The following PLEKHA8 variants were observed in gnomAD, a reference collection of about 807,000 sequenced individuals.
PLEKHA8 encodes the protein pleckstrin homology domain-containing family A member 8.
In PLEKHA8, 36 loss-of-function variants were observed where a neutral mutation model predicts 68.2. That is an observed-to-expected ratio of 0.53 (90% confidence interval 0.40 to 0.70). The LOEUF (loss-of-function observed/expected upper bound fraction) is 0.70, where lower values mean the gene tolerates loss of function less well. Ranked by LOEUF, PLEKHA8 falls within the 30% of genes least tolerant of loss-of-function variation. The pLI is 0.00. For synonymous variants in PLEKHA8, 211 were observed against 216.1 expected, an observed-to-expected ratio of 0.98 and a Z score of 0.20; for missense variants, 505 against 615.4, an observed-to-expected ratio of 0.82 and a Z score of 1.90.
downstream of PLEKHA8, among the ~76,000 whole-genome samples, chr7:30,086,167 AG>A (rs1382656938): frequency 6.6e-6 from 1 of 152,234 alleles, no homozygotes; most frequent in African/African-American, 2.4e-5. Context: ...AGATATGTTG[AG>A]GAATCACCAC....
chr7:30,090,693 A>G (rs79752857), exon 13 of PLEKHA8: 7,736 of 657,302 alleles, frequency 0.012, 69 homozygotes, highest in Admixed American at 0.037. Context: ...CAAAAACACA[A>G]TTTCTTAAAT....
At chr7:30,073,244 G>A (rs191432335) in intron 12 of PLEKHA8, among the ~76,000 whole-genome samples, 10 of 152,092 alleles carry the variant, frequency 6.6e-5, no homozygotes, top group Admixed American at 4.6e-4. Context: ...AAGGTTTCTA[G>A]CTTAAATACT....
chr7:30,052,313 G>A (rs1168828439), intron 6 of PLEKHA8, among the ~76,000 whole-genome samples: 1 of 152,194 alleles, frequency 6.6e-6, no homozygotes, highest in Non-Finnish European at 1.5e-5. Context: ...TTCAGTGGAT[G>A]TTGAAAGGAT....
At chr7:30,094,502 C>A (rs1795531267), downstream of PLEKHA8, among the ~76,000 whole-genome samples, 1 of 148,604 alleles carries the variant, frequency 6.7e-6, no homozygotes, top group South Asian at 2.1e-4. Flanking sequence ...TCTCGAACTC[C>A]TTTTTTTTTT....
At chr7:30,050,593 G>T in intron 6 of PLEKHA8, 119 bp downstream of exon 6, 1 of 1,288,298 alleles carries the variant, frequency 7.8e-7, no homozygotes, top group Non-Finnish European at 1.0e-6. Flanking sequence ...GAAATAATAT[G>T]GAAGTAAACA....
Position 30,046,340 on chromosome 7 carries a change from T to C in PLEKHA8, c.288T>C (p.Thr96=). 1 of 1,611,990 alleles carries C rather than the reference T, an allele frequency of 6.2e-7. No individual in the cohort carries two copies. The highest frequency in any genetic ancestry group is 1.7e-5 in the Admixed American group (1 of 59,716). Residue 96 remains threonine, a synonymous_variant, in exon 3 of 14, where the codon ACT becomes ACC. Transcript: ENST00000449726. ...VALGSAKACL[T]DSRTQKEKEF... ...TGGGATCAGCCAAGGCTTGCCTGAC[T>C]GACAGTAGGACCCAGAAGGAGAAAG...
chr7:30,110,647 T>C (rs1208207283), intron 13 of PLEKHA8, among the ~76,000 whole-genome samples: 1 of 152,238 alleles, frequency 6.6e-6, no homozygotes, highest in Non-Finnish European at 1.5e-5. Context: ...CAGCAATATA[T>C]AAGGGATTCA....
intron 1 of PLEKHA8, among the ~76,000 whole-genome samples, chr7:30,039,424 A>G (rs1353642110): frequency 6.6e-6 from 1 of 152,162 alleles, no homozygotes; most frequent in East Asian, 1.9e-4. Context: ...CTAAGGCAGG[A>G]GAATCGCTTG....
At chr7:30,084,996 G>C (rs1795122790), downstream of PLEKHA8, among the ~76,000 whole-genome samples, 2 of 150,338 alleles carry the variant, frequency 1.3e-5, no homozygotes, top group South Asian at 4.2e-4. Flanking sequence ...CCAGGCTGGA[G>C]TGCAATGGCA....
chr7:30,049,781 T>G (rs898718796), intron 5 of PLEKHA8, among the ~76,000 whole-genome samples: 1 of 152,194 alleles, frequency 6.6e-6, no homozygotes, highest in African/African-American at 2.4e-5. Context: ...CAAAACTTCT[T>G]AACCCCTTCC....
At position 30,084,016 on chromosome 7, in the gene PLEKHA8, A is replaced by G. The variant is rs1795074021; in HGVS notation, c.*5229A>G. The G allele has an allele frequency of 6.1e-6, 6 of 985,408 alleles. No individual in the cohort carries two copies. Among genetic ancestry groups the G allele is most frequent in the Non-Finnish European group, 7.2e-6 (6 of 829,930 alleles). The allele number at this position is 985,408 out of a possible 1,614,324, so 61.0% of individuals were successfully genotyped here. Reference sequence around the variant, plus strand: ...AGTTCCATGGCATGTTTAATGTATAATTCCCATGTATCATGAGAATTTCAC... The same window carrying G: ...AGTTCCATGGCATGTTTAATGTATAGTTCCCATGTATCATGAGAATTTCAC... On this transcript the variant is annotated 3_prime_UTR_variant, in exon 14 of 14. Transcript: ENST00000449726.
At chr7:30,089,992 C>T (rs1238286450) in intron 12 of PLEKHA8, among the ~76,000 whole-genome samples, 3 of 152,030 alleles carry the variant, frequency 2.0e-5, no homozygotes, top group Non-Finnish European at 4.4e-5. Flanking sequence ...CGAGTAATTC[C>T]TGAAAGGATA....
At chr7:30,091,205 T>G (rs1795402210), downstream of PLEKHA8, among the ~76,000 whole-genome samples, 1 of 152,122 alleles carries the variant, frequency 6.6e-6, no homozygotes, top group Admixed American at 6.5e-5. Flanking sequence ...AAGAATTATA[T>G]TCACCTAAAG....
rs527865215 is a variant in PLEKHA8 at position 30,050,140 on chromosome 7, T to G, written c.598-294T>G. Reference sequence around the variant, plus strand: ...CTTATTAATGTTTAATGAGCATAACTGAAATTACAAAGAAATCTAATCACT... The same window carrying G: ...CTTATTAATGTTTAATGAGCATAACGGAAATTACAAAGAAATCTAATCACT... On this transcript the variant is annotated intron_variant, in intron 5 of 13. Coordinates refer to ENST00000449726, the MANE Select transcript of PLEKHA8 (RefSeq NM_001197026.2). 7.2e-5 allele frequency among the ~76,000 whole-genome samples: 11 copies of G among 152,356 alleles called. No individual in the cohort carries two copies. The South Asian group carries it at 2.3e-3, about 32-fold the overall frequency.
intron 4 of PLEKHA8, among the ~76,000 whole-genome samples, chr7:30,048,207 G>T (rs994487724): frequency 6.6e-6 from 1 of 152,092 alleles, no homozygotes; most frequent in South Asian, 2.1e-4. Context: ...CATCATATGC[G>T]TGTGTATAGC....
At position 30,074,132 on chromosome 7, in the gene PLEKHA8, G is replaced by A. The variant is rs757950570; in HGVS notation, c.1362G>A (p.Ala454=). Residue 454 remains alanine, a splice_region_variant and synonymous_variant, in exon 13 of 14, where the codon GCG becomes GCA. Transcript: ENST00000449726. Reference sequence around the variant, plus strand: ...GCTGGGTAGTTCGAGGGGTTTTTGCGGTAAGTGATCCTTCTTGTCTCCTAT... The same window carrying A: ...GCTGGGTAGTTCGAGGGGTTTTTGCAGTAAGTGATCCTTCTTGTCTCCTAT... ...HHGWVVRGVF[A]LALRAAPSYE... The A allele has an allele frequency of 2.5e-6, 4 of 1,612,120 alleles. No homozygotes were observed. The highest frequency in any genetic ancestry group is 2.2e-5 in the East Asian group (1 of 44,862).
Position 30,084,483 on chromosome 7 carries a change from T to C in PLEKHA8, c.*5696T>C. Reference sequence around the variant, plus strand: ...GTTGGAGCCTCTTGGGACCAACCGATGAGCGACAGTTTCATGTTTAGATTT... The same window carrying C: ...GTTGGAGCCTCTTGGGACCAACCGACGAGCGACAGTTTCATGTTTAGATTT... On this transcript the variant is annotated 3_prime_UTR_variant, in exon 14 of 14. Coordinates refer to ENST00000449726, the MANE Select transcript of PLEKHA8 (RefSeq NM_001197026.2). 2.0e-6 allele frequency: 2 copies of C among 985,392 alleles called. No individual in the cohort carries two copies. Among genetic ancestry groups the C allele is most frequent in the South Asian group, 9.4e-5 (2 of 21,292 alleles). 61.0% of individuals were successfully genotyped at this position (985,392 alleles called of 1,614,324 possible).
chr7:30,064,447 G>A (rs928680011), intron 12 of PLEKHA8, among the ~76,000 whole-genome samples: 1 of 152,250 alleles, frequency 6.6e-6, no homozygotes, highest in South Asian at 2.1e-4. Context: ...GGGGGCTGAG[G>A]TGGGAAGATT....
In PLEKHA8 at chr7:30,110,815, A is replaced by T. The variant is rs1416553221; in HGVS notation, c.1363-18451A>T. 2.0e-5 allele frequency among the ~76,000 whole-genome samples: 3 copies of T among 151,874 alleles called. No individual in the cohort carries two copies. In the South Asian group the frequency reaches 6.2e-4, roughly 32 times the overall value. On this transcript the variant is annotated intron_variant, in intron 13 of 13. Coordinates refer to the PLEKHA8 transcript ENST00000396257. Reference sequence around the variant, plus strand: ...GGTTAATGATGTTGAGCATCTTTTCATGTGCTTATTAGCAATTTGTATATC... The same window carrying T: ...GGTTAATGATGTTGAGCATCTTTTCTTGTGCTTATTAGCAATTTGTATATC...
Sources: allele counts gnomAD v4.1 joint callset (sites outside exome capture counted in the v4.1 genomes callset), GRCh38; gene constraint gnomAD v4.1.1; transcripts MANE v1.5; gene names NCBI Gene and HGNC (gene_info 2026-07-23, HGNC 2026-07-21).